RPS3: variants seen among roughly 807,000 people sequenced by gnomAD.
The protein encoded by RPS3 is ribosomal protein S3.
Under a neutral mutation model 25.8 loss-of-function variants are expected in RPS3, and 2 were observed. The observed-to-expected ratio is 0.08, with a 90% CI of 0.03 to 0.24. The LOEUF (loss-of-function observed/expected upper bound fraction) is 0.24. Among genes scored for constraint, RPS3 ranks in the 10% least tolerant of loss-of-function variants. RPS3 has a pLI of 1.00. For missense variants in RPS3, 107 were observed against 307.1 expected (o/e 0.35, Z 4.87); for synonymous variants, 114 against 114.2 (o/e 1.00, Z 0.01).
intron 4 of RPS3, chr11:75,402,669 G>A: frequency 2.7e-6 from 1 of 370,176 alleles, no homozygotes; most frequent in East Asian, 4.4e-5. Flanking sequence ...ATGGAGAAGT[G>A]TTCTGGGTGC....
intron 1 of RPS3, 157 bp from the exon 2 acceptor site, chr11:75,400,537 G>A (rs777219136): frequency 2.0e-6 from 2 of 1,017,980 alleles, no homozygotes; most frequent in South Asian, 2.5e-5. Flanking sequence ...TGTCTGAGAA[G>A]GGTTGCTGCA....
chr11:75,409,073 C>T (rs1260769825), downstream of RPS3, among the ~76,000 whole-genome samples: 1 of 152,184 alleles, frequency 6.6e-6, no homozygotes, highest in African/African-American at 2.4e-5. Flanking sequence ...ACTCCACCTT[C>T]TGAGCTCAAG....
downstream of RPS3, among the ~76,000 whole-genome samples, chr11:75,407,494 CG>C (rs1303732685): frequency 6.6e-6 from 1 of 151,800 alleles, no homozygotes; most frequent in African/African-American, 2.4e-5. Flanking sequence ...TTTTTTGAGA[CG>C]GAGTCTCGCT....
intron 6 of RPS3, 189 bp from the exon 7 acceptor site, chr11:75,405,425 T>G (rs1187045929): frequency 6.2e-6 from 2 of 323,602 alleles, no homozygotes; most frequent in Non-Finnish European, 1.2e-5. Flanking sequence ...TTGGGGTTTT[T>G]TTGTTTATAG....
At chr11:75,401,236 T>C (rs543086605) in intron 2 of RPS3, among the ~76,000 whole-genome samples, 2 of 152,294 alleles carry the variant, frequency 1.3e-5, no homozygotes, top group South Asian at 2.1e-4. Context: ...CTGGGCTTAG[T>C]GAATGTAATT....
downstream of RPS3, among the ~76,000 whole-genome samples, chr11:75,409,440 G>A (rs1398114149): frequency 1.5e-5 from 2 of 130,878 alleles, no homozygotes; most frequent in Non-Finnish European, 3.2e-5. Flanking sequence ...ATCTTGCACC[G>A]CCCTTAATCC....
chr11:75,411,974 C>G (rs1041352272), intron 6 of RPS3, among the ~76,000 whole-genome samples: 58 of 152,226 alleles, frequency 3.8e-4, no homozygotes, highest in African/African-American at 1.4e-3. Context: ...AGCTTGTAAT[C>G]TGTGCAAGTA....
chr11:75,417,106 T>C (rs1291758227), intron 6 of RPS3, among the ~76,000 whole-genome samples: 1 of 152,210 alleles, frequency 6.6e-6, no homozygotes, highest in Non-Finnish European at 1.5e-5. Context: ...CAGATTTCAT[T>C]ACTAACCTCA....
At chr11:75,409,772 G>C (rs1374795550), downstream of RPS3, among the ~76,000 whole-genome samples, 2 of 151,280 alleles carry the variant, frequency 1.3e-5, no homozygotes, top group African/African-American at 2.4e-5. Flanking sequence ...CCGGGCAGAA[G>C]TGCCCCTCAC....
In RPS3 at chr11:75,406,657, A is replaced by C. The variant is rs138310514; in HGVS notation, c.*1047A>C. 1 of 152,320 alleles carries C rather than the reference A, an allele frequency of 6.6e-6. No homozygotes were observed. The highest frequency in any genetic ancestry group is 6.5e-5 in the Admixed American group (1 of 15,306). The allele number at this position is 152,320 out of a possible 1,614,324, so 9.4% of individuals were successfully genotyped here. A position where few individuals can be genotyped will look rare whatever the true frequency, so the allele number is the denominator to read the frequency against. On this transcript the variant is annotated 3_prime_UTR_variant, in exon 7 of 7. Transcript: ENST00000531188. ...TTTGACTCATAAATTGGTCATCTTA[A>C]CCATTTAAGTGTACACTTCTATAGT...
chr11:75,415,197 C>T (rs1194322965), intron 6 of RPS3, among the ~76,000 whole-genome samples: 2 of 152,214 alleles, frequency 1.3e-5, no homozygotes, highest in Admixed American at 6.5e-5. Flanking sequence ...CTGAGCATTG[C>T]AGTCAGACCT....
At position 75,399,538 on chromosome 11, in the gene RPS3, C is replaced by A. The variant is rs1237863866; in HGVS notation, c.-10C>A. ...CACTTCCTTTCCTTTCAGCGGAGCGCGGCGGCAAGATGGCAGTGCAAATAT... is the reference window on the plus strand; with the variant it reads ...CACTTCCTTTCCTTTCAGCGGAGCGAGGCGGCAAGATGGCAGTGCAAATAT... On this transcript the variant is annotated 5_prime_UTR_variant, in exon 1 of 7. Transcript: ENST00000531188. 2 of 1,613,774 alleles carry A rather than the reference C, an allele frequency of 1.2e-6. No homozygotes were observed. Among genetic ancestry groups the A allele is most frequent in the African/African-American group, 2.7e-5 (2 of 74,924 alleles).
chr11:75,402,294 C>A (rs2135052723), intron 3 of RPS3, 58 bp from the exon 4 acceptor site: 2 of 1,595,116 alleles, frequency 1.3e-6, no homozygotes, highest in South Asian at 1.1e-5. Context: ...GCCAAATTTT[C>A]AACTTTCAGT....
At chr11:75,410,581 C>T (rs1381702827), downstream of RPS3, among the ~76,000 whole-genome samples, 31 of 150,132 alleles carry the variant, frequency 2.1e-4, no homozygotes, top group African/African-American at 6.0e-4. Flanking sequence ...ACTTCCCAGA[C>T]GGGGTGGCGG....
chr11:75,403,575 A>T (rs1182472202), intron 4 of RPS3: 1 of 153,476 alleles, frequency 6.5e-6, no homozygotes, highest in Non-Finnish European at 1.5e-5. Context: ...TTCCTAGTGA[A>T]TGAGACTTCG....
rs763939896 is a variant in RPS3, at chr11:75,420,806, C to T, written c.*4-921C>T. 2.6e-5 allele frequency among the ~76,000 whole-genome samples: 4 copies of T among 151,714 alleles called. No individual in the cohort carries two copies. The East Asian group carries it at 5.8e-4, about 22-fold the overall frequency. The stretch of plus-strand genomic sequence containing the variant: ...CCATGTGCCCGGTGATAGAGGAGGG[C>T]AGCGGATAAGGAAGGGGCACAAGGA... On this transcript the variant is annotated intron_variant, in intron 6 of 6. Transcript: ENST00000527446.
chr11:75,402,467 T>G, intron 4 of RPS3, 21 bp downstream of exon 4: 1 of 1,592,654 alleles, frequency 6.3e-7, no homozygotes, highest in Non-Finnish European at 8.6e-7. Context: ...TGAGACCTAA[T>G]GGTCATGACC....
downstream of RPS3, among the ~76,000 whole-genome samples, chr11:75,407,702 C>T (rs182329794): frequency 3.3e-5 from 5 of 151,602 alleles, no homozygotes; most frequent in East Asian, 7.8e-4. Flanking sequence ...GATCTGACCT[C>T]GTGATCCGCC....
At chr11:75,412,091 G>A (rs960799407) in intron 6 of RPS3, among the ~76,000 whole-genome samples, 1 of 152,162 alleles carries the variant, frequency 6.6e-6, no homozygotes, top group Non-Finnish European at 1.5e-5. Context: ...TGAAGGAAAG[G>A]CCAAACAAGG....
Sources: allele counts gnomAD v4.1 joint callset (sites outside exome capture counted in the v4.1 genomes callset), GRCh38; gene constraint gnomAD v4.1.1; transcripts MANE v1.5; gene names NCBI Gene and HGNC (gene_info 2026-07-23, HGNC 2026-07-21).